MLLT1: variants seen among roughly 807,000 people sequenced by gnomAD.
MLLT1 encodes the protein protein ENL.
In MLLT1, 11 loss-of-function variants were observed where a neutral mutation model predicts 55.1. The observed-to-expected ratio is 0.20, with a 90% confidence interval of 0.13 to 0.33. The LOEUF is 0.33. Among genes scored for constraint, MLLT1 ranks in the 10% least tolerant of loss-of-function variants. The pLI is 1.00. For missense variants in MLLT1, 536 were observed against 760.6 expected, an observed-to-expected ratio of 0.70 and a Z score of 3.47; for synonymous variants, 323 against 320.1, an observed-to-expected ratio of 1.01 and a Z score of -0.10.
chr19:6,238,219 G>A (rs1466950376), intron 3 of MLLT1, among the ~76,000 whole-genome samples: 1 of 152,248 alleles, frequency 6.6e-6, no homozygotes, highest in African/African-American at 2.4e-5. Flanking sequence ...CAGGGAACTA[G>A]CTGCAGGCTC....
chr19:6,213,912 C>A (rs778923428), intron 9 of MLLT1, 27 bp downstream of exon 9: 5 of 1,472,284 alleles, frequency 3.4e-6, no homozygotes, highest in African/African-American at 1.4e-5. Flanking sequence ...CTCTGGTGCA[C>A]CCCCTGCCTG....
intron 3 of MLLT1, among the ~76,000 whole-genome samples, chr19:6,238,403 T>A (rs1865061): frequency 0.37 from 56,410 of 152,186 alleles, 13,233 homozygotes; most frequent in African/African-American, 0.67. Flanking sequence ...AGCAGATTAG[T>A]AGACGTGATG....
rs1961038221 is a variant in MLLT1 at position 6,230,808 on chromosome 19, T to C, written c.277-95A>G. On this transcript the variant is annotated intron_variant, in intron 3 of 11. Transcript: ENST00000252674. The surrounding 1 kb of genome is among the most constrained non-coding windows in gnomAD (Gnocchi z 9.0). ...GCCCTGGTCCTCCCCTCTCCCTCAC[T>C]GGGCCTCTGTTCCCCTCCCTCCGAT... The C allele has an allele frequency of 6.8e-7, 1 of 1,478,116 alleles. No homozygotes were observed. The highest frequency in any genetic ancestry group is 1.8e-5 in the Admixed American group (1 of 54,860). The allele number at this position is 1,478,116 out of a possible 1,614,324, so 91.6% of individuals were successfully genotyped here. A position where few individuals can be genotyped will look rare whatever the true frequency, so the allele number is the denominator to read the frequency against.
chr19:6,242,546 CTTCT>C (rs550104100), intron 3 of MLLT1, among the ~76,000 whole-genome samples: 159 of 152,286 alleles, frequency 1.0e-3, no homozygotes, highest in Non-Finnish European at 1.9e-3. Flanking sequence ...CCAAAATAAA[CTTCT>C]TTTTCACACT....
Position 6,230,585 on chromosome 19 carries a change from G to C in MLLT1, c.405C>G (p.Leu135=). ...NNPTTEFRYK[L]LRAGGVMVMP... is the part of the protein sequence containing the mutation. ...GCACACTCACCCCGCCGGCCCGCAG[G>C]AGCTTGTACCGGAACTCCGTGGTGG... The change falls in exon 4 of 12, where the codon CTC becomes CTG. Residue 135 remains leucine, a synonymous_variant. Coordinates refer to ENST00000252674, the MANE Select transcript of MLLT1 (RefSeq NM_005934.4). The surrounding 1 kb of genome is among the most constrained non-coding windows in gnomAD (Gnocchi z 9.0). 1 of 1,613,560 alleles carries C rather than the reference G, an allele frequency of 6.2e-7. No individual in the cohort carries two copies. Among genetic ancestry groups the C allele is most frequent in the African/African-American group, 1.3e-5 (1 of 75,050 alleles).
chr19:6,277,853 C>T (rs1195690706), intron 1 of MLLT1, among the ~76,000 whole-genome samples: 1 of 152,234 alleles, frequency 6.6e-6, no homozygotes, highest in Non-Finnish European at 1.5e-5. Flanking sequence ...TAACTCAATA[C>T]AGATTGGAAG....
Position 6,257,396 on chromosome 19 carries a change from T to TA in MLLT1, c.276+4831dup, listed in dbSNP as rs35846864. On this transcript the variant is annotated intron_variant, in intron 3 of 11. Coordinates refer to ENST00000252674, the MANE Select transcript of MLLT1 (RefSeq NM_005934.4). ...CAAAAAGCAGACATTATGAAGAATG[T>TA]AAAAAAAAAAAAAAACACCTAAAAA... Among the ~76,000 whole-genome samples, 803 of 119,298 alleles carry TA rather than the reference T, an allele frequency of 6.7e-3. 4 individuals are homozygous for TA. Among genetic ancestry groups the TA allele is most frequent in the African/African-American group, 8.5e-3 (302 of 35,388 alleles). The allele number at this position is 119,298 out of a possible 152,430, so 78.3% of individuals were successfully genotyped here. A position where few individuals can be genotyped will look rare whatever the true frequency, so the allele number is the denominator to read the frequency against.
At chr19:6,257,903 G>C (rs1468828346) in intron 3 of MLLT1, among the ~76,000 whole-genome samples, 1 of 152,198 alleles carries the variant, frequency 6.6e-6, no homozygotes, top group East Asian at 1.9e-4. Flanking sequence ...AACATCACGG[G>C]TCATCAAGGA....
chr19:6,234,793 AAG>A (rs1173919644), intron 3 of MLLT1, among the ~76,000 whole-genome samples: 2 of 152,222 alleles, frequency 1.3e-5, no homozygotes, highest in Non-Finnish European at 2.9e-5. Flanking sequence ...AAAGCAAAAA[AAG>A]AGTGCTTGAA....
chr19:6,242,576 C>A (rs2091125326), intron 3 of MLLT1, among the ~76,000 whole-genome samples: 1 of 152,224 alleles, frequency 6.6e-6, no homozygotes, highest in African/African-American at 2.4e-5. Context: ...ATTTCTAACA[C>A]TGGACTGTCT....
intron 7 of MLLT1, 134 bp from the exon 8 acceptor site, chr19:6,216,647 G>C (rs1336626934): frequency 1.6e-6 from 1 of 628,664 alleles, no homozygotes; most frequent in African/African-American, 1.9e-5. Flanking sequence ...GTCCACCTGG[G>C]GGTCCCTGTG....
chr19:6,257,801 G>A (rs375578737), intron 3 of MLLT1, among the ~76,000 whole-genome samples: 2 of 151,944 alleles, frequency 1.3e-5, no homozygotes, highest in African/African-American at 4.8e-5. Flanking sequence ...ACTCCATCTC[G>A]GAAAAAAACA....
intron 6 of MLLT1, among the ~76,000 whole-genome samples, chr19:6,221,335 C>T (rs2090895019): frequency 6.6e-6 from 1 of 152,212 alleles, no homozygotes; most frequent in Non-Finnish European, 1.5e-5. Context: ...GAAGACACCA[C>T]CGCCGTCCCA....
chr19:6,245,602 T>C (rs2091160976), intron 3 of MLLT1, among the ~76,000 whole-genome samples: 1 of 152,004 alleles, frequency 6.6e-6, no homozygotes, highest in African/African-American at 2.4e-5. Flanking sequence ...TCCCAGCTAC[T>C]TGGGAGGCTG....
Position 6,279,917 on chromosome 19 carries a change from G to A in MLLT1, c.-133C>T, listed in dbSNP as rs2091450353. ...GCCGCCGCCGCCGCCGCCGATCCCG[G>A]CCGCCCGCTCGCCCGCCAGCCCCGC... On this transcript the variant is annotated 5_prime_UTR_variant, in exon 1 of 12. Transcript: ENST00000252674. 1.8e-5 allele frequency: 3 copies of A among 166,288 alleles called. No homozygotes were observed. Among genetic ancestry groups the A allele is most frequent in the South Asian group, 1.7e-4 (1 of 5,928 alleles). The allele number at this position is 166,288 out of a possible 1,614,324, so 10.3% of individuals were successfully genotyped here.
intron 3 of MLLT1, among the ~76,000 whole-genome samples, chr19:6,253,810 C>T (rs942817242): frequency 2.6e-5 from 4 of 152,094 alleles, no homozygotes; most frequent in African/African-American, 9.7e-5. Context: ...CGTCATTCAG[C>T]AAACTAGAAA....
intron 3 of MLLT1, among the ~76,000 whole-genome samples, chr19:6,232,643 C>A (rs4807851): frequency 0.033 from 5,098 of 152,310 alleles, 95 homozygotes; most frequent in Middle Eastern, 0.088. Flanking sequence ...CCTGCAATCC[C>A]AGCACTTTGG....
Position 6,227,130 on chromosome 19 carries a change from T to G in MLLT1, c.421-28A>C. ...AGTGACAGAGAAGAGACAGTCATTA[T>G]CGATGGGCAGGGGGCAGGGGGCCCA... On this transcript the variant is annotated intron_variant, in intron 4 of 11. Coordinates refer to ENST00000252674, the MANE Select transcript of MLLT1 (RefSeq NM_005934.4). This position sits in a 1 kb window ranked among gnomAD's most constrained non-coding sequence, Gnocchi z 5.1. The G allele has an allele frequency of 6.3e-7, 1 of 1,581,784 alleles. No individual in the cohort carries two copies. Among genetic ancestry groups the G allele is most frequent in the African/African-American group, 1.4e-5 (1 of 72,904 alleles).
intron 3 of MLLT1, among the ~76,000 whole-genome samples, chr19:6,232,217 CAGAG>C (rs896504970): frequency 3.9e-5 from 6 of 152,192 alleles, no homozygotes; most frequent in Non-Finnish European, 1.5e-5. Flanking sequence ...GCCTGGGCGA[CAGAG>C]AAAGACTCTG....
Sources: gnomAD v4.1 joint callset for allele counts (sites outside exome capture counted in the v4.1 genomes callset) on GRCh38, gnomAD v4.1.1 for gene constraint, Gnocchi (gnomAD v3.1) non-coding constraint, MANE v1.5 for transcripts, NCBI Gene and HGNC (gene_info 2026-07-23, HGNC 2026-07-21) for gene names.